The following LAMC1 variants were observed in gnomAD, a reference collection of about 807,000 sequenced individuals.
LAMC1 encodes the protein laminin subunit gamma 1.
In LAMC1, 38 loss-of-function variants were observed where a neutral mutation model predicts 173.6. That is an observed-to-expected ratio of 0.22 (90% CI 0.17 to 0.29). LAMC1 has a LOEUF of 0.29. Among genes scored for constraint, LAMC1 ranks in the 10% least tolerant of loss-of-function variants. The pLI, the probability that LAMC1 is intolerant of heterozygous loss-of-function variation, is 1.00. For missense variants in LAMC1, 1,824 were observed against 2,051.8 expected (o/e 0.89, Z 2.14); for synonymous variants, 746 against 749.1 (o/e 1.00, Z 0.07).
chr1:183,134,646 CT>C lies in LAMC1; in HGVS notation c.3850-12del. On this transcript the variant is annotated splice_polypyrimidine_tract_variant and intron_variant, in intron 22 of 27. Transcript: ENST00000258341. ...TTTTATCCAAAGTGTAGTGATCTTA[CT>C]TGCTTTTCACAGAATGAAGCAAATA... The C allele has an allele frequency of 6.2e-7, 1 of 1,603,154 alleles. No individual in the cohort carries two copies. Among genetic ancestry groups the C allele is most frequent in the South Asian group, 1.1e-5 (1 of 89,036 alleles).
chr1:183,113,677 G>C (rs551804325), intron 4 of LAMC1, among the ~76,000 whole-genome samples: 2 of 152,088 alleles, frequency 1.3e-5, no homozygotes, highest in African/African-American at 2.4e-5. Context: ...TTTTAATTCT[G>C]CTTTCATCTG....
intron 1 of LAMC1, among the ~76,000 whole-genome samples, chr1:183,044,182 T>G (rs1181647188): frequency 1.3e-5 from 2 of 152,184 alleles, no homozygotes; most frequent in Non-Finnish European, 2.9e-5. Flanking sequence ...CTTTCTTTTT[T>G]ATTTTTTTAA....
At chr1:183,058,180 T>G (rs1654646706) in intron 1 of LAMC1, among the ~76,000 whole-genome samples, 1 of 152,258 alleles carries the variant, frequency 6.6e-6, no homozygotes, top group Non-Finnish European at 1.5e-5. Flanking sequence ...GGAAGTGTAC[T>G]TAGAGGCAAT....
rs753169824 is a variant in LAMC1, at chr1:183,122,236, C to T, written c.2386C>T (p.Pro796Ser). The T allele has an allele frequency of 5.0e-6, 8 of 1,613,916 alleles. No individual in the cohort carries two copies. Among genetic ancestry groups the T allele is most frequent in the East Asian group, 2.2e-5 (1 of 44,886 alleles). Reference protein sequence around the residue: ...KTKEVVCTNCPTGTTGKRCEL... With the variant: ...KTKEVVCTNCSTGTTGKRCEL... ...AAAGGAGGTGGTGTGCACCAACTGT[C>T]CTACTGGCACCACTGGTAAGTCTGC... Residue 796 changes from proline to serine, a missense_variant, in exon 13 of 28, where the codon CCT (proline) becomes TCT (serine). By Grantham distance (74) the Pro-to-Ser change is moderately conservative. Transcript: ENST00000258341.
At chr1:183,026,761 A>G (rs1653698060) in intron 1 of LAMC1, among the ~76,000 whole-genome samples, 1 of 151,812 alleles carries the variant, frequency 6.6e-6, no homozygotes, top group Non-Finnish European at 1.5e-5. Flanking sequence ...TTGAACTTTA[A>G]ATACAGTAAA....
At chr1:183,125,679 T>C (rs776929546) in intron 15 of LAMC1, 129 bp downstream of exon 15, 11 of 657,122 alleles carry the variant, frequency 1.7e-5, no homozygotes, top group Non-Finnish European at 2.8e-5. Context: ...CAAGGCATCC[T>C]TCAGGGGCAG....
chr1:183,108,475 G>C lies in LAMC1; in HGVS notation c.854+69G>C, dbSNP rs76926708. The C allele has an allele frequency of 6.3e-4, 885 of 1,405,968 alleles. 8 individuals carry two copies. In the African/African-American group the frequency reaches 0.011, roughly 18 times the overall value. 87.1% of individuals were successfully genotyped at this position (1,405,968 alleles called of 1,614,324 possible). ...TGCATAGAGGTGAATCTAGCAACTT[G>C]TTTACAACTATGTTAATACCGTTGT... On this transcript the variant is annotated intron_variant, in intron 3 of 27. Transcript: ENST00000258341.
chr1:183,081,979 G>C (rs998166839), intron 1 of LAMC1, among the ~76,000 whole-genome samples: 1 of 152,098 alleles, frequency 6.6e-6, no homozygotes, highest in Non-Finnish European at 1.5e-5. Flanking sequence ...CATATAGTTG[G>C]AGTAATATAT....
At chr1:183,043,300 C>G (rs1654188568) in intron 1 of LAMC1, among the ~76,000 whole-genome samples, 1 of 152,098 alleles carries the variant, frequency 6.6e-6, no homozygotes, top group South Asian at 2.1e-4. Flanking sequence ...TGATGAAAGG[C>G]TATCATAGCC....
chr1:183,116,560 C>CG lies in LAMC1; in HGVS notation c.1329-17_1329-16insG. 1 of 1,502,680 alleles carries CG rather than the reference C, an allele frequency of 6.7e-7. No individual in the cohort carries two copies. The highest frequency in any genetic ancestry group is 1.2e-5 in the South Asian group (1 of 84,920). 93.1% of individuals were successfully genotyped at this position (1,502,680 alleles called of 1,614,324 possible). ...TTCTCCCTTCTCTGATTGTTTTATC[C>CG]ATTTTTCATTGAATAGGCCATGCTC... is the stretch of plus-strand genomic sequence containing the variant. On this transcript the variant is annotated splice_polypyrimidine_tract_variant and intron_variant, in intron 6 of 27. Coordinates refer to ENST00000258341, the MANE Select transcript of LAMC1 (RefSeq NM_002293.4).
At chr1:183,028,340 T>C (rs924290454) in intron 1 of LAMC1, among the ~76,000 whole-genome samples, 2 of 152,214 alleles carry the variant, frequency 1.3e-5, no homozygotes, top group Non-Finnish European at 2.9e-5. Flanking sequence ...ACTCTTGAAA[T>C]ACATACCACT....
intron 1 of LAMC1, among the ~76,000 whole-genome samples, chr1:183,051,696 A>AC (rs1311035449): frequency 6.6e-6 from 1 of 152,152 alleles, no homozygotes; most frequent in African/African-American, 2.4e-5. Context: ...GCTTAGAAGA[A>AC]CCTGTAGACA....
intron 4 of LAMC1, 55 bp from the exon 5 acceptor site, chr1:183,114,476 A>T: frequency 6.4e-7 from 1 of 1,559,666 alleles, no homozygotes; most frequent in Non-Finnish European, 8.8e-7. Context: ...AAGTCTTAAA[A>T]TGCTCTTCTT....
At chr1:183,110,788 G>A (rs1656126697) in intron 4 of LAMC1, 134 bp downstream of exon 4, 2 of 907,410 alleles carry the variant, frequency 2.2e-6, no homozygotes, top group South Asian at 3.5e-5. Flanking sequence ...AATTTGAGTA[G>A]TATTCAAGTC....
intron 11 of LAMC1, among the ~76,000 whole-genome samples, chr1:183,119,731 C>G (rs1232262602): frequency 6.8e-6 from 1 of 147,768 alleles, no homozygotes; most frequent in Non-Finnish European, 1.5e-5. Flanking sequence ...GTGACCCTGT[C>G]TGAAAAAAAA....
intron 8 of LAMC1, among the ~76,000 whole-genome samples, 180 bp from the exon 9 acceptor site, chr1:183,117,140 A>T (rs960227221): frequency 5.3e-5 from 8 of 152,210 alleles, no homozygotes; most frequent in African/African-American, 9.7e-5. Context: ...AATAAAGTAA[A>T]ATATAGTTTG....
intron 18 of LAMC1, among the ~76,000 whole-genome samples, chr1:183,129,609 C>G (rs969565374): frequency 6.6e-6 from 1 of 151,456 alleles, no homozygotes; most frequent in South Asian, 2.1e-4. Context: ...ACCCCAACAC[C>G]GAGCATGATG....
At chr1:183,081,219 A>T (rs573893403) in intron 1 of LAMC1, among the ~76,000 whole-genome samples, 1 of 152,254 alleles carries the variant, frequency 6.6e-6, no homozygotes, top group Admixed American at 6.5e-5. Context: ...TTGAATGTAA[A>T]CTGCCTTTGA....
chr1:183,023,805 C>G lies in LAMC1; in HGVS notation c.89C>G (p.Ala30Gly), dbSNP rs1653603992. The G allele has an allele frequency of 6.6e-7, 1 of 1,520,376 alleles. No homozygotes were observed. Among genetic ancestry groups the G allele is most frequent in the Non-Finnish European group, 8.8e-7 (1 of 1,137,594 alleles). 94.2% of individuals were successfully genotyped at this position (1,520,376 alleles called of 1,614,324 possible). The change falls in exon 1 of 28, where the codon GCG becomes GGG. Residue 30 changes from alanine to glycine, a missense_variant. By Grantham distance (60) the Ala-to-Gly change is moderately conservative (BLOSUM62 0). Transcript: ENST00000258341. ...GCCGTGCTGGCGGCGGCCGCCGCGG[C>G]GGGCTGTGCCCAGGCAGCCATGGAC... Reference protein sequence around the residue: ...VLAVLAAAAAAGCAQAAMDEC... With the variant: ...VLAVLAAAAAGGCAQAAMDEC...
Sources: allele counts gnomAD v4.1 joint callset (sites outside exome capture counted in the v4.1 genomes callset), GRCh38; gene constraint gnomAD v4.1.1; transcripts MANE v1.5; gene names NCBI Gene and HGNC (gene_info 2026-07-23, HGNC 2026-07-21).